PTPRZ1: variants seen among roughly 807,000 people sequenced by gnomAD.
PTPRZ1 encodes receptor-type tyrosine-protein phosphatase zeta.
In PTPRZ1, 82 loss-of-function variants were observed where a neutral mutation model predicts 214.1. The observed-to-expected ratio is 0.38, with a 90% CI of 0.32 to 0.46. The LOEUF (loss-of-function observed/expected upper bound fraction) is 0.46, where lower values mean the gene tolerates loss of function less well. Among genes scored for constraint, PTPRZ1 ranks in the 20% least tolerant of loss-of-function variants. The pLI is 1.00. For synonymous variants in PTPRZ1, 945 were observed against 987.9 expected (o/e 0.96, Z 0.81); for missense variants, 2,603 against 2,748.7 (o/e 0.95, Z 1.19).
At chr7:121,936,947 A>C (rs914533789) in intron 2 of PTPRZ1, among the ~76,000 whole-genome samples, 22 of 152,290 alleles carry the variant, frequency 1.4e-4, no homozygotes, top group African/African-American at 5.1e-4. Context: ...TTTTCTGCTT[A>C]AGCCACATAG....
chr7:121,985,590 T>C (rs578155403), intron 8 of PTPRZ1, among the ~76,000 whole-genome samples: 2 of 152,330 alleles, frequency 1.3e-5, no homozygotes, highest in Admixed American at 6.5e-5. Context: ...GCTTCCCCAT[T>C]GATGGCATAT....
intron 20 of PTPRZ1, 46 bp downstream of exon 20, chr7:122,039,634 G>C (rs751168601): frequency 6.3e-7 from 1 of 1,597,418 alleles, no homozygotes. Context: ...CAATGCATTT[G>C]GTCATTTTTT....
chr7:121,997,887 T>G lies in PTPRZ1; in HGVS notation c.1121T>G (p.Ile374Ser), dbSNP rs969786101. 1 of 1,604,720 alleles carries G rather than the reference T, an allele frequency of 6.2e-7. No individual in the cohort carries two copies. Among genetic ancestry groups the G allele is most frequent in the Non-Finnish European group, 8.5e-7 (1 of 1,172,350 alleles). The change falls in exon 10 of 30, where the codon ATT (isoleucine) becomes AGT (serine). Residue 374 changes from isoleucine (I) to serine (S), a missense_variant. Ile to Ser is a moderately radical substitution (Grantham distance 142). Transcript: ENST00000393386. ...LTDGYQDLGAILNNLLPNMSY... is the reference protein window; with the variant it reads ...LTDGYQDLGASLNNLLPNMSY... ...CTAACATCTTTCTTTTAGGGTGCTA[T>G]TCTCAATAATTTGCTACCCAATATG...
chr7:122,031,661 G>T (rs1799380762), intron 15 of PTPRZ1, 102 bp downstream of exon 15: 1 of 723,392 alleles, frequency 1.4e-6, no homozygotes, highest in Non-Finnish European at 2.2e-6. Context: ...GCAACCATTT[G>T]CACTTCTAGT....
chr7:121,988,324 C>T (rs1400060431), intron 8 of PTPRZ1, among the ~76,000 whole-genome samples: 3 of 152,012 alleles, frequency 2.0e-5, no homozygotes, highest in East Asian at 1.9e-4. Context: ...AAGTTTCAAT[C>T]ATTGTCAAAA....
chr7:121,925,105 A>G (rs1795716620), intron 1 of PTPRZ1, among the ~76,000 whole-genome samples: 1 of 152,162 alleles, frequency 6.6e-6, no homozygotes, highest in African/African-American at 2.4e-5. Flanking sequence ...ACCCCGCATT[A>G]TGGTTTCCAT....
rs568504175 is a variant in PTPRZ1, at chr7:121,910,930, T to A, written c.59-17226T>A. ...TATTAGAAGTGAATGGCATTCATAG[T>A]CATGGAAAATAAAGTTAAATTATTA... On this transcript the variant is annotated intron_variant, in intron 1 of 29. Transcript: ENST00000393386. Among the ~76,000 whole-genome samples the A allele has an allele frequency of 3.9e-5, 6 of 152,300 alleles. No individual in the cohort carries two copies. In the East Asian group the frequency reaches 1.2e-3, roughly 29 times the overall value.
rs1474369982 is a variant in PTPRZ1, at chr7:122,013,448, G to T, written c.4402G>T (p.Asp1468Tyr). Residue 1468 changes from aspartate to tyrosine, a missense_variant, in exon 12 of 30, where the codon GAT becomes TAT. Physicochemically the swap from Asp to Tyr is radical, Grantham distance 160 (BLOSUM62 -3). Transcript: ENST00000393386. ...AGACACCCACGAAAACAGTCTTATG[G>T]ATCAGAATAATCCAATCTCATACTC... ...DSDTHENSLM[D>Y]QNNPISYSLS... 2 of 1,614,130 alleles carry T rather than the reference G, an allele frequency of 1.2e-6. No individual in the cohort carries two copies. Among genetic ancestry groups the T allele is most frequent in the Admixed American group, 1.7e-5 (1 of 60,022 alleles).
In PTPRZ1 at chr7:122,013,408, G is replaced by T; in HGVS notation, c.4362G>T (p.Lys1454Asn). ...SCSSYRESQE[K>N]VMNDSDTHEN... is the part of the protein sequence containing the mutation. Reference sequence around the variant, plus strand: ...CATCCTATAGAGAATCACAGGAAAAGGTAATGAATGATTCAGACACCCACG... The same window carrying T: ...CATCCTATAGAGAATCACAGGAAAATGTAATGAATGATTCAGACACCCACG... The change falls in exon 12 of 30, where the codon AAG (lysine) becomes AAT (asparagine). Residue 1454 changes from lysine to asparagine, a missense_variant. Lys to Asn is a moderately conservative substitution (Grantham distance 94). Around this residue, in one of 6 missense-constraint regions of PTPRZ1, gnomAD observed 1,913 missense variants for 1,914.3 expected, o/e 1.00. Coordinates refer to ENST00000393386, the MANE Select transcript of PTPRZ1 (RefSeq NM_002851.3). 1 of 1,614,108 alleles carries T rather than the reference G, an allele frequency of 6.2e-7. No individual in the cohort carries two copies. Among genetic ancestry groups the T allele is most frequent in the Non-Finnish European group, 8.5e-7 (1 of 1,180,026 alleles).
chr7:121,910,239 A>G (rs993325451), intron 1 of PTPRZ1, among the ~76,000 whole-genome samples: 3 of 152,132 alleles, frequency 2.0e-5, no homozygotes, highest in African/African-American at 7.2e-5. Context: ...GCTTTGCTTG[A>G]ATGTCACTTC....
intron 8 of PTPRZ1, among the ~76,000 whole-genome samples, chr7:121,990,152 AGAG>A (rs1273498014): frequency 1.3e-5 from 2 of 152,170 alleles, no homozygotes; most frequent in Non-Finnish European, 2.9e-5. Context: ...ATTTTGACCA[AGAG>A]GAGAAGTAAA....
At chr7:121,900,360 G>T (rs1794921304) in intron 1 of PTPRZ1, among the ~76,000 whole-genome samples, 1 of 152,194 alleles carries the variant, frequency 6.6e-6, no homozygotes, top group African/African-American at 2.4e-5. Flanking sequence ...GTCCCAGGAA[G>T]GTCACTCCTT....
chr7:122,011,772 A>G lies in PTPRZ1; in HGVS notation c.2726A>G (p.Glu909Gly), dbSNP rs144475256. 7.7e-5 allele frequency: 124 copies of G among 1,614,120 alleles called. 1 individual carries two copies. The African/African-American group carries it at 1.3e-3, about 17-fold the overall frequency. ...LYKTLMFSQV[E>G]PPSSDAMMHA... ...AAAACGCTTATGTTTTCTCAAGTTG[A>G]ACCACCCAGCAGTGATGCCATGATG... Residue 909 changes from glutamate (E) to glycine (G), a missense_variant, in exon 12 of 30, where the codon GAA becomes GGA. Glu to Gly is a moderately conservative substitution (Grantham distance 98, BLOSUM62 -2). This residue lies in a region of PTPRZ1 where 1,913 missense variants were observed against 1,914.3 expected (regional missense o/e 1.00). Coordinates refer to ENST00000393386, the MANE Select transcript of PTPRZ1 (RefSeq NM_002851.3).
chr7:122,054,858 C>A, intron 26 of PTPRZ1, 83 bp from the exon 27 acceptor site: 2 of 1,337,982 alleles, frequency 1.5e-6, no homozygotes, highest in South Asian at 1.7e-5. Flanking sequence ...ATTTCTGTGC[C>A]AACCAATTAA....
At chr7:121,927,158 C>T (rs1230802037) in intron 1 of PTPRZ1, among the ~76,000 whole-genome samples, 2 of 152,118 alleles carry the variant, frequency 1.3e-5, no homozygotes, top group Admixed American at 6.5e-5. Context: ...ACTATATAAA[C>T]AGAGTGCCAA....
rs1797093277 is a variant in PTPRZ1, at chr7:121,967,949, A to G, written c.125-2A>G. ...AAATTTCTTACTCCTTCTTTTCCCT[A>G]GGAGCACTGAATCAAAAAAATTGGG... On this transcript the variant is annotated splice_acceptor_variant, in intron 2 of 29. Coordinates refer to ENST00000393386, the MANE Select transcript of PTPRZ1 (RefSeq NM_002851.3). LOFTEE classifies it high-confidence loss of function. 1 of 1,553,592 alleles carries G rather than the reference A, an allele frequency of 6.4e-7. No individual in the cohort carries two copies. The highest frequency in any genetic ancestry group is 8.8e-7 in the Non-Finnish European group (1 of 1,135,850).
Position 122,012,513 on chromosome 7 carries a change from C to T in PTPRZ1, c.3467C>T (p.Ala1156Val). 1.2e-6 allele frequency: 2 copies of T among 1,614,088 alleles called. No homozygotes were observed. The highest frequency in any genetic ancestry group is 1.7e-6 in the Non-Finnish European group (2 of 1,179,992). ...TCAGAGCCAGCATCCTCTGACCCTG[C>T]TTCTAGTGAAATGTTATCTCCTTCA... ...ANSEPASSDP[A>V]SSEMLSPSTQ... The change falls in exon 12 of 30, where the codon GCT (alanine) becomes GTT (valine). Residue 1156 changes from alanine to valine, a missense_variant. Physicochemically the swap from Ala to Val is moderately conservative, Grantham distance 64 (BLOSUM62 0). This residue lies in a region of PTPRZ1 where 1,913 missense variants were observed against 1,914.3 expected (regional missense o/e 1.00). Coordinates refer to ENST00000393386, the MANE Select transcript of PTPRZ1 (RefSeq NM_002851.3).
intron 1 of PTPRZ1, among the ~76,000 whole-genome samples, chr7:121,915,879 A>T (rs923181060): frequency 2.0e-4 from 31 of 152,152 alleles, no homozygotes; most frequent in African/African-American, 7.2e-4. Context: ...ATCCTTTCAT[A>T]AAAACATTTT....
chr7:121,898,130 T>C lies in PTPRZ1; in HGVS notation c.58+24573T>C, dbSNP rs192639833. On this transcript the variant is annotated intron_variant, in intron 1 of 29. Transcript: ENST00000393386. ...TATAGAGAGCTATCAGTCCTCTCGG[T>C]GCAAAAACAAAACAGTAAACCATGT... is the stretch of plus-strand genomic sequence containing the variant. Among the ~76,000 whole-genome samples the C allele has an allele frequency of 2.6e-5, 4 of 152,230 alleles. No homozygotes were observed. The East Asian group carries it at 7.7e-4, about 29-fold the overall frequency.
Sources: gnomAD v4.1 joint callset for allele counts (sites outside exome capture counted in the v4.1 genomes callset) on GRCh38, gnomAD v4.1.1 for gene constraint, gnomAD v4.1.1 regional missense constraint, MANE v1.5 for transcripts, NCBI Gene and HGNC (gene_info 2026-07-23, HGNC 2026-07-21) for gene names.